The following PLXDC1 variants were observed in gnomAD, a reference collection of about 807,000 sequenced individuals.
The protein encoded by PLXDC1 is plexin domain containing 1.
In PLXDC1, 39 loss-of-function variants were observed where a neutral mutation model predicts 61.3. The observed-to-expected ratio is 0.64, with a 90% confidence interval of 0.49 to 0.83. The LOEUF is 0.83. Ranked by LOEUF, PLXDC1 falls within the 40% of genes least tolerant of loss-of-function variation. The pLI is 0.00. For synonymous variants in PLXDC1, 212 were observed against 254.5 expected (o/e 0.83, Z 1.59); for missense variants, 596 against 666.5 (o/e 0.89, Z 1.17).
intron 2 of PLXDC1, among the ~76,000 whole-genome samples, chr17:39,122,112 G>GC (rs1911179739): frequency 2.2e-5 from 1 of 46,070 alleles, no homozygotes; most frequent in South Asian, 8.3e-4. Context: ...AAAAAAAAAA[G>GC]GGGGGGGGGA....
chr17:39,073,249 A>G (rs1909194965), intron 11 of PLXDC1: 1 of 151,940 alleles, frequency 6.6e-6, no homozygotes, highest in Non-Finnish European at 1.5e-5. Flanking sequence ...CTGGTCTCCA[A>G]CTCGTGGGCT....
intron 1 of PLXDC1, among the ~76,000 whole-genome samples, chr17:39,145,978 G>A (rs934001192): frequency 6.6e-6 from 1 of 151,920 alleles, no homozygotes; most frequent in East Asian, 1.9e-4. Context: ...GACTGAAACC[G>A]TCTTCTCAGG....
chr17:39,090,107 ATTAT>A (rs1909891797), intron 7 of PLXDC1, among the ~76,000 whole-genome samples: 1 of 151,948 alleles, frequency 6.6e-6, no homozygotes, highest in Admixed American at 6.6e-5. Flanking sequence ...CCTGTATCTC[ATTAT>A]TTATTTATCC....
intron 9 of PLXDC1, 139 bp downstream of exon 9, chr17:39,083,320 C>G: frequency 1.4e-6 from 1 of 705,896 alleles, no homozygotes; most frequent in South Asian, 1.6e-5. Context: ...ATGTTCTTGT[C>G]CCAAGAGTCA....
intron 11 of PLXDC1, among the ~76,000 whole-genome samples, chr17:39,075,707 TCTC>T (rs1314035570): frequency 6.6e-6 from 1 of 152,184 alleles, no homozygotes; most frequent in African/African-American, 2.4e-5. Context: ...ATTCATTCAT[TCTC>T]CTCCACAACC....
At chr17:39,080,954 A>G (rs201791112) in intron 9 of PLXDC1, 6 of 152,730 alleles carry the variant, frequency 3.9e-5, no homozygotes, top group African/African-American at 2.4e-5. Context: ...CATCTGACCC[A>G]TTTTGCAGTT....
At chr17:39,114,814 C>T (rs991957065) in intron 2 of PLXDC1, among the ~76,000 whole-genome samples, 6 of 152,198 alleles carry the variant, frequency 3.9e-5, no homozygotes, top group Non-Finnish European at 7.3e-5. Flanking sequence ...GTGTTTAAGA[C>T]GGTTGCTTTG....
chr17:39,139,538 C>T (rs1911862178), intron 2 of PLXDC1, 116 bp downstream of exon 2: 9 of 1,006,368 alleles, frequency 8.9e-6, no homozygotes, highest in Non-Finnish European at 1.3e-5. Flanking sequence ...ACCCTGTCCT[C>T]CGGGGCCAAC....
chr17:39,139,669 G>A lies in PLXDC1; in HGVS notation c.240C>T (p.Asn80=), dbSNP rs771705423. The change falls in exon 2 of 14, where the codon AAC becomes AAT. Residue 80 remains asparagine (N), a synonymous_variant. Coordinates refer to ENST00000315392, the MANE Select transcript of PLXDC1 (RefSeq NM_020405.5). ...GTLAMDTLPD[N]RTRVVEDNHS... is the part of the protein sequence containing the mutation. ...CAGCACTCACCACCACCCTGGTCCT[G>A]TTATCTGGCAGCGTGTCCATGGCCA... 3.1e-6 allele frequency: 5 copies of A among 1,612,864 alleles called. No individual in the cohort carries two copies. The highest frequency in any genetic ancestry group is 1.7e-4 in the Middle Eastern group (1 of 5,748).
Position 39,087,496 on chromosome 17 carries a change from C to T in PLXDC1, c.907+111G>A, listed in dbSNP as rs186004582. ...GTTACAAAAGAGAGATGGAGGGCCC[C>T]GAAAAGTTAGGTGGCTGCACAAAAC... On this transcript the variant is annotated intron_variant, in intron 8 of 13. Transcript: ENST00000315392. The T allele has an allele frequency of 2.7e-4, 216 of 808,216 alleles. 2 individuals are homozygous for T. The highest frequency in any genetic ancestry group is 2.6e-3 in the African/African-American group (154 of 59,384). 50.1% of individuals were successfully genotyped at this position (808,216 alleles called of 1,614,324 possible). A position where few individuals can be genotyped will look rare whatever the true frequency, so the allele number is the denominator to read the frequency against.
At chr17:39,147,794 T>C (rs1230275566) in intron 1 of PLXDC1, among the ~76,000 whole-genome samples, 2 of 152,170 alleles carry the variant, frequency 1.3e-5, no homozygotes, top group Non-Finnish European at 2.9e-5. Context: ...CACTCACTCA[T>C]TCATTCAATA....
chr17:39,090,344 G>T (rs1446773809), intron 7 of PLXDC1, among the ~76,000 whole-genome samples: 1 of 137,210 alleles, frequency 7.3e-6, no homozygotes, highest in Non-Finnish European at 1.6e-5. Context: ...CATCCCTGAG[G>T]CCTGTCTGAA....
At chr17:39,114,221 A>T (rs1910896815) in intron 2 of PLXDC1, among the ~76,000 whole-genome samples, 1 of 152,026 alleles carries the variant, frequency 6.6e-6, no homozygotes, top group African/African-American at 2.4e-5. Flanking sequence ...CGGAAACACA[A>T]ATCCTTCCCC....
chr17:39,072,322 G>T (rs1909151184), intron 12 of PLXDC1, 128 bp downstream of exon 12: 1 of 719,270 alleles, frequency 1.4e-6, no homozygotes, highest in South Asian at 1.5e-5. Flanking sequence ...GGAGGTCTGG[G>T]ATGCTCAGGC....
chr17:39,152,823 A>C, upstream of PLXDC1: 3 of 590,422 alleles, frequency 5.1e-6, no homozygotes, highest in Non-Finnish European at 7.4e-6. Context: ...AAAGGAAACA[A>C]CTAAAGGCTC....
rs1555573394 is a variant in PLXDC1, at chr17:39,129,733, G to GAAAGAAAGAAAGAAAGAAAGA, written c.255+9920_255+9921insTCTTTCTTTCTTTCTTTCTTT. Reference sequence around the variant, plus strand: ...GAAGGAAAGAAAGAAAGAAAGAAAAGAAAGAAAGGAAAGAAAAGCAAGAAA... The same window carrying GAAAGAAAGAAAGAAAGAAAGA: ...GAAGGAAAGAAAGAAAGAAAGAAAAGAAAGAAAGAAAGAAAGAAAGAAAAGAAAGGAAAGAAAAGCAAGAAA... On this transcript the variant is annotated intron_variant, in intron 2 of 13. Coordinates refer to ENST00000315392, the MANE Select transcript of PLXDC1 (RefSeq NM_020405.5). Among the ~76,000 whole-genome samples the GAAAGAAAGAAAGAAAGAAAGA allele has an allele frequency of 1.1e-3, 143 of 130,584 alleles. 2 individuals are homozygous for GAAAGAAAGAAAGAAAGAAAGA. The South Asian group carries it at 0.013, about 12-fold the overall frequency. 85.7% of individuals were successfully genotyped at this position (130,584 alleles called of 152,430 possible). A position where few individuals can be genotyped will look rare whatever the true frequency, so the allele number is the denominator to read the frequency against.
At position 39,118,396 on chromosome 17, in the gene PLXDC1, G is replaced by T. The variant is rs184045692; in HGVS notation, c.256-9005C>A. On this transcript the variant is annotated intron_variant, in intron 2 of 13. Coordinates refer to ENST00000315392, the MANE Select transcript of PLXDC1 (RefSeq NM_020405.5). ...TTTTGTATTTTTAATAGAGACAGGG[G>T]TTTTACCATGTTGGCCAGGCTGTTC... is the stretch of plus-strand genomic sequence containing the variant. Among the ~76,000 whole-genome samples, 19 of 152,022 alleles carry T rather than the reference G, an allele frequency of 1.2e-4. No individual in the cohort carries two copies. The East Asian group carries it at 3.5e-3, about 28-fold the overall frequency.
intron 2 of PLXDC1, among the ~76,000 whole-genome samples, chr17:39,128,209 G>A (rs73302880): frequency 0.62 from 80,350 of 129,106 alleles, 26,304 homozygotes; most frequent in East Asian, 0.77. Flanking sequence ...GTATATATAT[G>A]TGTGTGTGTA....
At chr17:39,131,324 T>C (rs2143870025) in intron 2 of PLXDC1, among the ~76,000 whole-genome samples, 1 of 151,984 alleles carries the variant, frequency 6.6e-6, no homozygotes, top group African/African-American at 2.4e-5. Context: ...TGGACATGCT[T>C]TCTTCTCACA....
Sources: allele counts gnomAD v4.1 joint callset (sites outside exome capture counted in the v4.1 genomes callset), GRCh38; gene constraint gnomAD v4.1.1; transcripts MANE v1.5; gene names NCBI Gene and HGNC (gene_info 2026-07-23, HGNC 2026-07-21).